MAGI2: variants seen among roughly 807,000 people sequenced by gnomAD.
MAGI2 encodes the protein membrane-associated guanylate kinase, WW and PDZ domain-containing protein 2.
A neutral mutation model predicts 133.3 loss-of-function variants in MAGI2; 35 were observed. That is an observed-to-expected ratio of 0.26 (90% confidence interval 0.20 to 0.35). The LOEUF (loss-of-function observed/expected upper bound fraction) is 0.35, where lower values mean the gene tolerates loss of function less well. Ranked by LOEUF, MAGI2 falls within the 10% of genes least tolerant of loss-of-function variation. The pLI is 1.00. For missense variants in MAGI2, 1,636 were observed against 1,863.4 expected (o/e 0.88, Z 2.25); for synonymous variants, 729 against 710.6 (o/e 1.03, Z -0.41).
intron 6 of MAGI2, among the ~76,000 whole-genome samples, chr7:78,446,135 T>C (rs10259937): frequency 0.95 from 143,985 of 151,228 alleles, 68,643 homozygotes; most frequent in East Asian, 0.98. Context: ...TTTTTTGAAT[T>C]TGAAATACTA....
At chr7:78,683,404 G>A (rs1011591390) in intron 2 of MAGI2, among the ~76,000 whole-genome samples, 1 of 152,138 alleles carries the variant, frequency 6.6e-6, no homozygotes, top group African/African-American at 2.4e-5. Context: ...AAGATGTCAA[G>A]GGCAGAGTAT....
chr7:78,670,727 T>C (rs1223114557), intron 2 of MAGI2, among the ~76,000 whole-genome samples: 3 of 152,084 alleles, frequency 2.0e-5, no homozygotes, highest in South Asian at 2.1e-4. Flanking sequence ...AACAGAGATA[T>C]AGATCAATGG....
At chr7:78,816,110 T>G (rs1480293704) in intron 2 of MAGI2, among the ~76,000 whole-genome samples, 3 of 152,166 alleles carry the variant, frequency 2.0e-5, no homozygotes, top group Non-Finnish European at 4.4e-5. Flanking sequence ...ACACCTTAAG[T>G]GCCAATATGG....
In MAGI2 at chr7:78,243,224, TACAC is replaced by T. The variant is rs539437959; in HGVS notation, c.2047+12715_2047+12718del. 9.2e-3 allele frequency among the ~76,000 whole-genome samples: 1,301 copies of T among 140,756 alleles called. 8 individuals carry two copies. Among genetic ancestry groups the T allele is most frequent in the Middle Eastern group, 0.032 (9 of 284 alleles). The allele number at this position is 140,756 out of a possible 152,430, so 92.3% of individuals were successfully genotyped here. On this transcript the variant is annotated intron_variant, in intron 10 of 21. Coordinates refer to ENST00000354212, the MANE Select transcript of MAGI2 (RefSeq NM_012301.4). ...GCAACCTACCCTCAAATGGTTCAGA[TACAC>T]ACACACACACACACACACACACACA...
chr7:78,741,167 G>A (rs374513632), intron 2 of MAGI2, among the ~76,000 whole-genome samples: 1 of 152,038 alleles, frequency 6.6e-6, no homozygotes, highest in South Asian at 2.1e-4. Flanking sequence ...CAGGAAGTAA[G>A]AGCTATAGGA....
intron 9 of MAGI2, among the ~76,000 whole-genome samples, chr7:78,306,719 G>A (rs920358639): frequency 1.3e-5 from 2 of 152,198 alleles, no homozygotes; most frequent in East Asian, 3.9e-4. Context: ...AGTGGAGTGG[G>A]CTATCATTTG....
At chr7:79,385,293 C>T (rs1191415914) in intron 1 of MAGI2, among the ~76,000 whole-genome samples, 1 of 151,784 alleles carries the variant, frequency 6.6e-6, no homozygotes, top group African/African-American at 2.4e-5. Context: ...ACCTGGAGTA[C>T]TATTTAACAA....
intron 2 of MAGI2, among the ~76,000 whole-genome samples, chr7:78,660,826 T>C (rs2151040621): frequency 6.6e-6 from 1 of 152,338 alleles, no homozygotes; most frequent in Admixed American, 6.5e-5. Context: ...TATTTTAAAA[T>C]ATATTCACTA....
chr7:79,444,702 T>A (rs1208913826), intron 1 of MAGI2, among the ~76,000 whole-genome samples: 1 of 151,972 alleles, frequency 6.6e-6, no homozygotes, highest in Non-Finnish European at 1.5e-5. Context: ...TGCTCATGGG[T>A]AGGAAGAATC....
intron 2 of MAGI2, among the ~76,000 whole-genome samples, chr7:78,744,192 T>C (rs1822708378): frequency 6.6e-6 from 1 of 152,158 alleles, no homozygotes; most frequent in Non-Finnish European, 1.5e-5. Context: ...TCTTTCGTCA[T>C]AGAATTTCTT....
chr7:78,270,483 T>C (rs1794457610), intron 9 of MAGI2, among the ~76,000 whole-genome samples: 1 of 152,210 alleles, frequency 6.6e-6, no homozygotes, highest in Non-Finnish European at 1.5e-5. Context: ...TTCACATCCC[T>C]TGTAAGTTGT....
At chr7:78,275,675 ATT>A (rs142959184) in intron 9 of MAGI2, among the ~76,000 whole-genome samples, 1 of 152,196 alleles carries the variant, frequency 6.6e-6, no homozygotes, top group Non-Finnish European at 1.5e-5. Context: ...ATTTTAAGGT[ATT>A]TTACGAAATG....
chr7:78,025,280 A>C (rs1274285043), intron 21 of MAGI2, among the ~76,000 whole-genome samples: 1 of 151,534 alleles, frequency 6.6e-6, no homozygotes, highest in Non-Finnish European at 1.5e-5. Flanking sequence ...AGGACTCTTA[A>C]TATCATCCCA....
In MAGI2 at chr7:78,625,018, T is replaced by C. The variant is rs754032900; in HGVS notation, c.538+2102A>G. Among the ~76,000 whole-genome samples the C allele has an allele frequency of 1.6e-4, 24 of 152,208 alleles. No homozygotes were observed. In the Middle Eastern group the frequency reaches 0.041, roughly 259 times the overall value. On this transcript the variant is annotated intron_variant, in intron 3 of 21. Coordinates refer to ENST00000354212, the MANE Select transcript of MAGI2 (RefSeq NM_012301.4). ...GGAGATGACAGTTCCATGCCTATTA[T>C]TGCCCCTGAAGACCTTCCAGTGGGA...
chr7:79,028,259 ATATATATATG>A (rs1339978903), intron 1 of MAGI2, among the ~76,000 whole-genome samples: 19 of 22,062 alleles, frequency 8.6e-4, no homozygotes, highest in East Asian at 2.8e-3. Flanking sequence ...ATATATATAT[ATATATATATG>A]TATGTATGTA....
chr7:79,040,992 G>A (rs190829190), intron 1 of MAGI2, among the ~76,000 whole-genome samples: 2 of 152,258 alleles, frequency 1.3e-5, no homozygotes, highest in African/African-American at 2.4e-5. Flanking sequence ...TAGAAGAGAC[G>A]TTCTCAGCAA....
At chr7:78,681,855 C>G (rs912970042) in intron 2 of MAGI2, among the ~76,000 whole-genome samples, 9 of 152,082 alleles carry the variant, frequency 5.9e-5, no homozygotes, top group Non-Finnish European at 1.3e-4. Flanking sequence ...TCATAAAAAC[C>G]TAAGGCATTA....
intron 2 of MAGI2, among the ~76,000 whole-genome samples, chr7:78,796,350 A>G (rs191261449): frequency 6.6e-6 from 1 of 152,140 alleles, no homozygotes; most frequent in Non-Finnish European, 1.5e-5. Context: ...TTCTCAAAAG[A>G]GACATACAAA....
intron 2 of MAGI2, among the ~76,000 whole-genome samples, chr7:78,750,412 G>T (rs1031863161): frequency 6.6e-6 from 1 of 152,082 alleles, no homozygotes; most frequent in African/African-American, 2.4e-5. Context: ...CCCAGTAATG[G>T]GATTGCTGGG....
Sources: gnomAD v4.1 joint callset for allele counts (sites outside exome capture counted in the v4.1 genomes callset) on GRCh38, gnomAD v4.1.1 for gene constraint, MANE v1.5 for transcripts, NCBI Gene and HGNC (gene_info 2026-07-23, HGNC 2026-07-21) for gene names.